The following MORN5 variants were observed in gnomAD, a reference collection of about 807,000 sequenced individuals.
The protein encoded by MORN5 is MORN repeat containing 5.
In MORN5, 21 loss-of-function variants were observed where a neutral mutation model predicts 22.1. The observed-to-expected ratio is 0.95, with a 90% CI of 0.67 to 1.37. The LOEUF (loss-of-function observed/expected upper bound fraction) is 1.37. Among genes scored for constraint, MORN5 ranks in the 40% most tolerant of loss-of-function variants. The pLI is 0.00. For synonymous variants in MORN5, 73 were observed against 74.0 expected (o/e 0.99, Z 0.07); for missense variants, 211 against 215.1 (o/e 0.98, Z 0.12).
intron 1 of MORN5, among the ~76,000 whole-genome samples, chr9:122,163,545 G>A (rs1222856865): frequency 1.3e-5 from 2 of 152,208 alleles, no homozygotes; most frequent in African/African-American, 4.8e-5. Flanking sequence ...GATGCAAGGT[G>A]AAGAATTCTT....
chr9:122,167,160 GC>G (rs1273287879), intron 2 of MORN5, among the ~76,000 whole-genome samples: 1 of 149,638 alleles, frequency 6.7e-6, no homozygotes, highest in Non-Finnish European at 1.5e-5. Context: ...CGAGTCTCCT[GC>G]CTCAGCCTCC....
chr9:122,162,131 C>G (rs1197298710), intron 1 of MORN5, among the ~76,000 whole-genome samples: 3 of 152,154 alleles, frequency 2.0e-5, no homozygotes, highest in Non-Finnish European at 4.4e-5. Flanking sequence ...GCTTGTTGTA[C>G]ACTTAATTAA....
intron 4 of MORN5, among the ~76,000 whole-genome samples, chr9:122,195,628 G>A (rs991805607): frequency 6.6e-6 from 1 of 152,178 alleles, no homozygotes; most frequent in Non-Finnish European, 1.5e-5. Context: ...ATCCTATCAA[G>A]GGTCCAGACT....
At chr9:122,184,674 A>G (rs574366745) in intron 4 of MORN5, among the ~76,000 whole-genome samples, 12 of 152,316 alleles carry the variant, frequency 7.9e-5, no homozygotes, top group African/African-American at 2.9e-4. Context: ...AGCCCTTTAC[A>G]TATATTTTAT....
chr9:122,180,494 T>G (rs964441783), intron 4 of MORN5, among the ~76,000 whole-genome samples: 1 of 152,040 alleles, frequency 6.6e-6, no homozygotes, highest in Non-Finnish European at 1.5e-5. Context: ...CCATGTTAGC[T>G]GGGCTGGTCT....
intron 4 of MORN5, chr9:122,174,896 A>G (rs1810380747): frequency 1.6e-6 from 2 of 1,274,132 alleles, no homozygotes; most frequent in African/African-American, 1.5e-5. Flanking sequence ...TTATTTTTGT[A>G]TGCATTCCTT....
At chr9:122,176,117 CAAAA>C (rs747126842) in intron 4 of MORN5, among the ~76,000 whole-genome samples, 1 of 51,378 alleles carries the variant, frequency 1.9e-5, no homozygotes, top group Non-Finnish European at 4.2e-5. Context: ...GACTCCGTCT[CAAAA>C]AAAAAAAAAA....
chr9:122,160,062 G>C, intron 1 of MORN5, 43 bp downstream of exon 1: 1 of 1,560,928 alleles, frequency 6.4e-7, no homozygotes, highest in Non-Finnish European at 8.7e-7. Context: ...TTGAATAGCT[G>C]TGACTGGAAA....
At chr9:122,180,410 C>T (rs903705282) in intron 4 of MORN5, among the ~76,000 whole-genome samples, 2 of 151,662 alleles carry the variant, frequency 1.3e-5, no homozygotes, top group Non-Finnish European at 2.9e-5. Context: ...GTCAGCCTCC[C>T]GAGTAGCTGG....
chr9:122,188,998 A>T (rs1327415576), intron 4 of MORN5, among the ~76,000 whole-genome samples: 1 of 151,978 alleles, frequency 6.6e-6, no homozygotes, highest in African/African-American at 2.4e-5. Flanking sequence ...AGTTCAAGAC[A>T]AGCTTGGCCA....
intron 2 of MORN5, among the ~76,000 whole-genome samples, chr9:122,168,784 G>C (rs992871074): frequency 2.6e-5 from 4 of 151,976 alleles, no homozygotes; most frequent in Admixed American, 6.6e-5. Flanking sequence ...TGTCAGTCAG[G>C]GTTCTTCAGA....
intron 4 of MORN5, among the ~76,000 whole-genome samples, chr9:122,194,691 G>T (rs1200127249): frequency 6.6e-6 from 1 of 152,126 alleles, no homozygotes; most frequent in East Asian, 1.9e-4. Context: ...TGCATTGAGA[G>T]CTTACAGTCT....
In MORN5 at chr9:122,180,108, T is replaced by A. The variant is rs111931274; in HGVS notation, c.439+5481T>A. 8.4e-3 allele frequency among the ~76,000 whole-genome samples: 1,278 copies of A among 152,264 alleles called. 12 individuals carry two copies. The highest frequency in any genetic ancestry group is 0.03 in the African/African-American group (1,244 of 41,552). ...TCTATGTATCAAAATTCTTTGAACA[T>A]CTACTGTGTGCCAGGCTTTGGGGTT... On this transcript the variant is annotated intron_variant, in intron 4 of 4. Coordinates refer to ENST00000373764, the MANE Select transcript of MORN5 (RefSeq NM_198469.4).
In MORN5 at chr9:122,185,019, C is replaced by T. The variant is rs895368072; in HGVS notation, c.439+10392C>T. On this transcript the variant is annotated intron_variant, in intron 4 of 4. Coordinates refer to ENST00000373764, the MANE Select transcript of MORN5 (RefSeq NM_198469.4). ...GACTATTCCCAAGACAGTTCTCTGC[C>T]CACTTTCTTGCTCAAACTTTGGCCA... Among the ~76,000 whole-genome samples the T allele has an allele frequency of 4.1e-4, 62 of 152,156 alleles. 1 individual carries two copies. The highest frequency in any genetic ancestry group is 1.5e-4 in the Non-Finnish European group (10 of 68,026).
chr9:122,181,506 A>C (rs1166526037), intron 4 of MORN5, among the ~76,000 whole-genome samples: 1 of 152,182 alleles, frequency 6.6e-6, no homozygotes, highest in Non-Finnish European at 1.5e-5. Context: ...TGGGACCATA[A>C]AGCCTTAAAT....
intron 1 of MORN5, among the ~76,000 whole-genome samples, chr9:122,165,653 C>T (rs1404699205): frequency 2.6e-5 from 4 of 152,222 alleles, no homozygotes; most frequent in African/African-American, 9.6e-5. Context: ...CCTGTATGAG[C>T]CTGTCTTCCT....
Position 122,193,579 on chromosome 9 carries a change from G to A in MORN5, c.440-6306G>A, listed in dbSNP as rs150206724. On this transcript the variant is annotated intron_variant, in intron 4 of 4. Transcript: ENST00000373764. ...CAGCCTGGCGACAGAGCGAGACTCC[G>A]TCTCAAAAAAGAAAAAAAAGTAATT... Among the ~76,000 whole-genome samples, 658 of 152,276 alleles carry A rather than the reference G, an allele frequency of 4.3e-3. 7 individuals carry two copies. The highest frequency in any genetic ancestry group is 0.014 in the African/African-American group (567 of 41,562).
intron 4 of MORN5, among the ~76,000 whole-genome samples, chr9:122,190,682 A>G (rs1042537193): frequency 3.9e-5 from 6 of 152,264 alleles, no homozygotes; most frequent in African/African-American, 1.2e-4. Context: ...AGCAGGCCCA[A>G]GGCCTTCCAC....
rs1217712956 is a variant in MORN5 at position 122,169,600 on chromosome 9, G to A, written c.196-45G>A. Reference sequence around the variant, plus strand: ...TGACATCTGAACCTCTTGGCCAAAAGCCTTCAGCTTCCTCAGATGCACGTG... The same window carrying A: ...TGACATCTGAACCTCTTGGCCAAAAACCTTCAGCTTCCTCAGATGCACGTG... On this transcript the variant is annotated intron_variant, in intron 2 of 4. Coordinates refer to ENST00000373764, the MANE Select transcript of MORN5 (RefSeq NM_198469.4). The A allele has an allele frequency of 2.1e-6, 3 of 1,412,254 alleles. No homozygotes were observed. The East Asian group carries it at 6.8e-5, about 32-fold the overall frequency. The allele number at this position is 1,412,254 out of a possible 1,614,324, so 87.5% of individuals were successfully genotyped here.
Sources: allele counts gnomAD v4.1 joint callset (sites outside exome capture counted in the v4.1 genomes callset), GRCh38; gene constraint gnomAD v4.1.1; transcripts MANE v1.5; gene names NCBI Gene and HGNC (gene_info 2026-07-23, HGNC 2026-07-21).